IL33: variants seen among roughly 807,000 people sequenced by gnomAD.
IL33 encodes the protein interleukin 33.
Under a neutral mutation model 27.3 loss-of-function variants are expected in IL33, and 37 were observed. That is an observed-to-expected ratio of 1.36 (90% CI 1.04 to 1.78). The LOEUF is 1.78. IL33 is among the 40% of genes most tolerant of loss of function. The pLI, the probability that IL33 is intolerant of heterozygous loss-of-function variation, is 0.00. For synonymous variants in IL33, 132 were observed against 102.9 expected, an observed-to-expected ratio of 1.28 and a Z score of -1.71; for missense variants, 406 against 311.4, an observed-to-expected ratio of 1.30 and a Z score of -2.29.
At chr9:6,217,151 A>G (rs891978266) in intron 1 of IL33, among the ~76,000 whole-genome samples, 2 of 151,474 alleles carry the variant, frequency 1.3e-5, no homozygotes, top group Non-Finnish European at 2.9e-5. Context: ...GGAGCCACAG[A>G]GTAGTCACTG....
intron 1 of IL33, among the ~76,000 whole-genome samples, chr9:6,229,121 G>A (rs1437882578): frequency 6.6e-6 from 1 of 152,008 alleles, no homozygotes; most frequent in South Asian, 2.1e-4. Flanking sequence ...GCTAAATGAG[G>A]AACCTGTACA....
At chr9:6,241,874 T>C (rs1368327214) in intron 2 of IL33, 89 bp downstream of exon 2, 1 of 817,106 alleles carries the variant, frequency 1.2e-6, no homozygotes, top group Non-Finnish European at 1.9e-6. Flanking sequence ...CATGCTATCT[T>C]ATCAAAATCT....
chr9:6,218,264 A>G (rs1818235010), intron 1 of IL33, among the ~76,000 whole-genome samples: 1 of 152,154 alleles, frequency 6.6e-6, no homozygotes. Context: ...AGTAACCTAG[A>G]TGTTTATCTC....
At position 6,253,618 on chromosome 9, in the gene IL33, G is replaced by T. The variant is rs1816545166; in HGVS notation, c.520+16G>T. On this transcript the variant is annotated intron_variant, in intron 6 of 7. Transcript: ENST00000682010. ...AATGAATCAGGTAATTTGGAGGGCT[G>T]GGTAGCTGTAGTGCTTGAATTCTTA... 1 of 1,598,762 alleles carries T rather than the reference G, an allele frequency of 6.3e-7. No individual in the cohort carries two copies. The highest frequency in any genetic ancestry group is 1.3e-5 in the African/African-American group (1 of 74,528).
chr9:6,235,576 A>G (rs1232682309), intron 1 of IL33, among the ~76,000 whole-genome samples: 1 of 152,222 alleles, frequency 6.6e-6, no homozygotes, highest in Non-Finnish European at 1.5e-5. Context: ...CATTAGTGAA[A>G]TCTAAACATA....
At chr9:6,249,492 A>G (rs1264551236) in intron 2 of IL33, among the ~76,000 whole-genome samples, 1 of 152,196 alleles carries the variant, frequency 6.6e-6, no homozygotes, top group Non-Finnish European at 1.5e-5. Flanking sequence ...AAGACTTTTT[A>G]TGATTTTCCA....
intron 1 of IL33, among the ~76,000 whole-genome samples, chr9:6,225,448 C>A (rs951656600): frequency 6.6e-6 from 1 of 152,154 alleles, no homozygotes; most frequent in African/African-American, 2.4e-5. Flanking sequence ...ACCACATACC[C>A]ATTTACTAGC....
intron 1 of IL33, among the ~76,000 whole-genome samples, chr9:6,220,682 T>C (rs1818370640): frequency 6.6e-6 from 1 of 152,188 alleles, no homozygotes; most frequent in Admixed American, 6.5e-5. Context: ...CCACATTCTT[T>C]AGCAATCCTG....
chr9:6,223,263 T>A (rs758126115), intron 1 of IL33, among the ~76,000 whole-genome samples: 67 of 152,282 alleles, frequency 4.4e-4, no homozygotes, highest in Non-Finnish European at 8.4e-4. Context: ...CATAATCATT[T>A]TATAGACAAA....
At chr9:6,235,748 A>C (rs367767040) in intron 1 of IL33, among the ~76,000 whole-genome samples, 1 of 152,202 alleles carries the variant, frequency 6.6e-6, no homozygotes, top group Admixed American at 6.5e-5. Context: ...CAAAACTATC[A>C]GATAGTTTAC....
chr9:6,236,015 C>CCACA lies in IL33; in HGVS notation c.-11-5667_-11-5666insCACA, dbSNP rs762413829. 3.1e-3 allele frequency among the ~76,000 whole-genome samples: 265 copies of CCACA among 84,134 alleles called. 1 individual carries two copies. The highest frequency in any genetic ancestry group is 0.012 in the Middle Eastern group (2 of 168). The allele number at this position is 84,134 out of a possible 152,430, so 55.2% of individuals were successfully genotyped here. On this transcript the variant is annotated intron_variant, in intron 1 of 7. Transcript: ENST00000682010. ...AACATACACCCACACCCACCCACAC[C>CCACA]CATACACACACACACACACACACAC...
intron 1 of IL33, among the ~76,000 whole-genome samples, chr9:6,228,842 G>C (rs1405884806): frequency 1.1e-5 from 1 of 94,008 alleles, no homozygotes; most frequent in African/African-American, 4.4e-5. Context: ...GCAAAACACT[G>C]ACTCAAAAAA....
At chr9:6,216,947 G>A (rs935597004) in intron 1 of IL33, among the ~76,000 whole-genome samples, 1 of 152,138 alleles carries the variant, frequency 6.6e-6, no homozygotes, top group African/African-American at 2.4e-5. Flanking sequence ...AATTGACACA[G>A]GGCCAGCCAG....
At chr9:6,238,661 G>C (rs1379890801) in intron 1 of IL33, among the ~76,000 whole-genome samples, 2 of 152,190 alleles carry the variant, frequency 1.3e-5, no homozygotes, top group Non-Finnish European at 2.9e-5. Context: ...AAGCTCATAA[G>C]AGATTTAAAT....
chr9:6,220,874 C>G (rs1004860908), intron 1 of IL33, among the ~76,000 whole-genome samples: 1 of 152,122 alleles, frequency 6.6e-6, no homozygotes, highest in Non-Finnish European at 1.5e-5. Flanking sequence ...CCACCTCAGC[C>G]TCCTAAGTAG....
At chr9:6,253,700 A>C in intron 6 of IL33, 98 bp downstream of exon 6, 1 of 890,948 alleles carries the variant, frequency 1.1e-6, no homozygotes, top group South Asian at 1.7e-5. Context: ...GAAAAAAGAT[A>C]GTCTCAGAAG....
At chr9:6,255,858 A>G (rs1242959004) in intron 7 of IL33, 110 bp from the exon 8 acceptor site, 2 of 845,302 alleles carry the variant, frequency 2.4e-6, no homozygotes, top group Non-Finnish European at 3.9e-6. Context: ...AGCTTGCTAG[A>G]AATATCAAGT....
In IL33 at chr9:6,236,015, C is replaced by CACA. The variant is rs1819181278; in HGVS notation, c.-11-5669_-11-5668insACA. ...AACATACACCCACACCCACCCACAC[C>CACA]CATACACACACACACACACACACAC... On this transcript the variant is annotated intron_variant, in intron 1 of 7. Coordinates refer to ENST00000682010, the MANE Select transcript of IL33 (RefSeq NM_033439.4). 1.5e-4 allele frequency among the ~76,000 whole-genome samples: 13 copies of CACA among 84,222 alleles called. 1 individual carries two copies. The Admixed American group carries it at 1.6e-3, about 11-fold the overall frequency. The allele number at this position is 84,222 out of a possible 152,430, so 55.3% of individuals were successfully genotyped here.
chr9:6,222,703 T>C (rs1419572259), intron 1 of IL33, among the ~76,000 whole-genome samples: 1 of 152,218 alleles, frequency 6.6e-6, no homozygotes, highest in East Asian at 1.9e-4. Context: ...CCCTTTATAC[T>C]AGCCAACTTG....
Sources: allele counts gnomAD v4.1 joint callset (sites outside exome capture counted in the v4.1 genomes callset), GRCh38; gene constraint gnomAD v4.1.1; transcripts MANE v1.5; gene names NCBI Gene and HGNC (gene_info 2026-07-23, HGNC 2026-07-21).